The following DLGAP1 variants were observed in gnomAD, a reference collection of about 807,000 sequenced individuals.
DLGAP1 encodes DLG associated protein 1.
Under a neutral mutation model 90.8 loss-of-function variants are expected in DLGAP1, and 11 were observed. That is an observed-to-expected ratio of 0.12 (90% confidence interval 0.08 to 0.20). DLGAP1 has a LOEUF of 0.20. DLGAP1 is among the 10% of genes least tolerant of loss of function. The pLI is 1.00. For missense variants in DLGAP1, 1,050 were observed against 1,333.8 expected (o/e 0.79, Z 3.31); for synonymous variants, 558 against 540.7 (o/e 1.03, Z -0.44).
At chr18:4,394,722 C>A (rs193081020) in intron 1 of DLGAP1, among the ~76,000 whole-genome samples, 1 of 152,268 alleles carries the variant, frequency 6.6e-6, no homozygotes, top group Admixed American at 6.5e-5. Context: ...TAGGTGGGAA[C>A]AAACCTATTT....
At chr18:3,646,662 T>A (rs548401737) in intron 7 of DLGAP1, among the ~76,000 whole-genome samples, 2 of 152,118 alleles carry the variant, frequency 1.3e-5, no homozygotes, top group Non-Finnish European at 2.9e-5. Context: ...CGGTGGCTCA[T>A]GCCTGTAATC....
intron 3 of DLGAP1, among the ~76,000 whole-genome samples, chr18:3,929,596 CAG>C (rs761771527): frequency 6.6e-6 from 1 of 152,150 alleles, no homozygotes; most frequent in Non-Finnish European, 1.5e-5. Flanking sequence ...GGCCATTGTG[CAG>C]AGTTTGTGGG....
At chr18:3,595,377 A>T (rs1460804479) in intron 7 of DLGAP1, among the ~76,000 whole-genome samples, 1 of 152,202 alleles carries the variant, frequency 6.6e-6, no homozygotes, top group Non-Finnish European at 1.5e-5. Flanking sequence ...CTGGACTTCT[A>T]TTGAAGTTTG....
chr18:4,324,200 C>T lies in DLGAP1; in HGVS notation c.-267+130806G>A, dbSNP rs75067087. Reference sequence around the variant, plus strand: ...AAAAAAGATGTTACCACTGACCGCACAGAAATACAACCAACAATCAGAGAC... The same window carrying T: ...AAAAAAGATGTTACCACTGACCGCATAGAAATACAACCAACAATCAGAGAC... On this transcript the variant is annotated intron_variant, in intron 1 of 12. Coordinates refer to ENST00000315677, the MANE Select transcript of DLGAP1 (RefSeq NM_004746.4). 1.2e-3 allele frequency among the ~76,000 whole-genome samples: 185 copies of T among 151,704 alleles called. 3 individuals carry two copies. The East Asian group carries it at 0.031, about 25-fold the overall frequency.
chr18:3,887,045 G>A (rs1599108654), intron 3 of DLGAP1, among the ~76,000 whole-genome samples: 1 of 152,332 alleles, frequency 6.6e-6, no homozygotes, highest in Non-Finnish European at 1.5e-5. Context: ...ATTTTGTTTA[G>A]TCGAGAGAAA....
intron 3 of DLGAP1, chr18:3,995,603 A>G (rs1002671453): frequency 2.0e-5 from 3 of 152,068 alleles, no homozygotes; most frequent in Non-Finnish European, 2.9e-5. Context: ...TTTTCTTGCT[A>G]TTAGACCCCA....
chr18:4,377,204 C>T (rs2082031693), intron 1 of DLGAP1, among the ~76,000 whole-genome samples: 2 of 152,060 alleles, frequency 1.3e-5, no homozygotes, highest in African/African-American at 4.8e-5. Context: ...GATGCTCCCT[C>T]TAGAACTGGA....
At chr18:4,351,943 C>T (rs1382620373) in intron 1 of DLGAP1, among the ~76,000 whole-genome samples, 1 of 152,132 alleles carries the variant, frequency 6.6e-6, no homozygotes, top group Admixed American at 6.5e-5. Context: ...CATAAAAATC[C>T]TACCTCACGG....
chr18:3,917,166 T>C (rs1025039249), intron 3 of DLGAP1, among the ~76,000 whole-genome samples: 45 of 152,232 alleles, frequency 3.0e-4, no homozygotes, highest in Non-Finnish European at 1.2e-4. Context: ...GTTTGGTAAG[T>C]TAGCTGTACT....
At chr18:3,547,069 T>A (rs1238194) in intron 9 of DLGAP1, among the ~76,000 whole-genome samples, 1 of 151,686 alleles carries the variant, frequency 6.6e-6, no homozygotes, top group African/African-American at 2.4e-5. Flanking sequence ...TGAGAGGCCG[T>A]GGCAGGTGGA....
chr18:3,529,123 T>C (rs1040661237), intron 10 of DLGAP1, among the ~76,000 whole-genome samples: 2 of 152,228 alleles, frequency 1.3e-5, no homozygotes, highest in African/African-American at 4.8e-5. Flanking sequence ...TGTGCTCCTC[T>C]AAAACTCATA....
At chr18:3,797,686 A>G (rs1307820443) in intron 5 of DLGAP1, among the ~76,000 whole-genome samples, 1 of 151,938 alleles carries the variant, frequency 6.6e-6, no homozygotes, top group Non-Finnish European at 1.5e-5. Context: ...CACTACACAT[A>G]GTGTTGGAAG....
chr18:3,696,275 G>A (rs8084843), intron 7 of DLGAP1, among the ~76,000 whole-genome samples: 41,842 of 151,984 alleles, frequency 0.28, 6,738 homozygotes, highest in East Asian at 0.43. Flanking sequence ...GTCTTGTGCC[G>A]GTTTTCAAAG....
At chr18:4,254,314 A>T (rs1231507256) in intron 1 of DLGAP1, among the ~76,000 whole-genome samples, 1 of 152,198 alleles carries the variant, frequency 6.6e-6, no homozygotes, top group Admixed American at 6.5e-5. Context: ...GGGAACTGAA[A>T]GGTTGATTAG....
chr18:4,399,085 C>T (rs1369141370), intron 1 of DLGAP1, among the ~76,000 whole-genome samples: 1 of 152,220 alleles, frequency 6.6e-6, no homozygotes, highest in African/African-American at 2.4e-5. Flanking sequence ...CTGCCTTGGC[C>T]TCCCAAAGTG....
At chr18:4,403,261 G>A (rs536505502) in intron 1 of DLGAP1, among the ~76,000 whole-genome samples, 2 of 152,066 alleles carry the variant, frequency 1.3e-5, no homozygotes, top group Admixed American at 6.6e-5. Flanking sequence ...ACCAAGTACT[G>A]AAGTTCCACC....
chr18:3,952,965 AC>A (rs1458556707), intron 3 of DLGAP1, among the ~76,000 whole-genome samples: 41 of 152,294 alleles, frequency 2.7e-4, no homozygotes, highest in African/African-American at 9.6e-4. Context: ...CTAAGTTCCT[AC>A]CAGGGCTAGA....
At chr18:3,838,619 T>A (rs1439942315) in intron 4 of DLGAP1, among the ~76,000 whole-genome samples, 1 of 152,230 alleles carries the variant, frequency 6.6e-6, no homozygotes, top group East Asian at 1.9e-4. Flanking sequence ...ATTTAATCAC[T>A]TGATAACTCA....
chr18:3,512,348 T>C (rs2050591823), intron 10 of DLGAP1, among the ~76,000 whole-genome samples: 1 of 152,228 alleles, frequency 6.6e-6, no homozygotes, highest in Non-Finnish European at 1.5e-5. Flanking sequence ...TTTCCTTTCT[T>C]TCCCCAGCTA....
Sources: gnomAD v4.1 joint callset for allele counts (sites outside exome capture counted in the v4.1 genomes callset) on GRCh38, gnomAD v4.1.1 for gene constraint, MANE v1.5 for transcripts, NCBI Gene and HGNC (gene_info 2026-07-23, HGNC 2026-07-21) for gene names.